LPP: variants seen among roughly 807,000 people sequenced by gnomAD.
The protein encoded by LPP is lipoma-preferred partner.
In LPP, 38 loss-of-function variants were observed where a neutral mutation model predicts 60.4. That is an observed-to-expected ratio of 0.63 (90% confidence interval 0.49 to 0.83). LPP has a LOEUF of 0.83. Ranked by LOEUF, LPP falls within the 40% of genes least tolerant of loss-of-function variation. The pLI is 0.00. For missense variants in LPP, 902 were observed against 783.6 expected (o/e 1.15, Z -1.80); for synonymous variants, 328 against 290.8 (o/e 1.13, Z -1.30).
chr3:188,184,633 T>A (rs9990226), intron 1 of LPP, among the ~76,000 whole-genome samples: 33,564 of 151,140 alleles, frequency 0.22, 4,764 homozygotes, highest in East Asian at 0.64. Flanking sequence ...AATAAGGAAT[T>A]GAAGAGTGAG....
intron 4 of LPP, among the ~76,000 whole-genome samples, chr3:188,419,641 C>A (rs547510141): frequency 6.6e-6 from 1 of 152,176 alleles, no homozygotes; most frequent in Non-Finnish European, 1.5e-5. Flanking sequence ...GCCTGTAATC[C>A]CAGCACTTTG....
rs756633064 is a variant in LPP, at chr3:188,609,612, G to C, written c.881G>C (p.Gly294Ala). The C allele has an allele frequency of 6.2e-7, 1 of 1,614,178 alleles. No individual in the cohort carries two copies. The highest frequency in any genetic ancestry group is 1.7e-4 in the Middle Eastern group (1 of 6,060). Residue 294 changes from glycine (G) to alanine (A), a missense_variant, in exon 7 of 12, where the codon GGA becomes GCA. By Grantham distance (60) the Gly-to-Ala change is moderately conservative. Transcript: ENST00000617246. This position sits in a 1 kb window ranked among gnomAD's most constrained non-coding sequence, Gnocchi z 6.9. ...GGGTATGGGTATGCCCCCAACCAGG[G>C]ACGCTATTATGAAGGCTACTATGCA... ...EPGYGYAPNQ[G>A]RYYEGYYAAG...
rs1011009906 is a variant in LPP, at chr3:188,559,670, C to A, written c.429+34883C>A. Among the ~76,000 whole-genome samples, 4 of 152,098 alleles carry A rather than the reference C, an allele frequency of 2.6e-5. No individual in the cohort carries two copies. The South Asian group carries it at 6.2e-4, about 24-fold the overall frequency. On this transcript the variant is annotated intron_variant, in intron 6 of 11. Coordinates refer to ENST00000617246, the MANE Select transcript of LPP (RefSeq NM_001375462.1). Reference sequence around the variant, plus strand: ...TCTGTCCGAGTCATTCAACACCTCACCCCCTCCAGTTATATTTATATTTAT... The same window carrying A: ...TCTGTCCGAGTCATTCAACACCTCAACCCCTCCAGTTATATTTATATTTAT...
chr3:188,396,604 G>C (rs1363151542), intron 3 of LPP, among the ~76,000 whole-genome samples: 1 of 152,152 alleles, frequency 6.6e-6, no homozygotes, highest in Non-Finnish European at 1.5e-5. Context: ...AGATCATATT[G>C]GTGATTTTTC....
intron 3 of LPP, among the ~76,000 whole-genome samples, chr3:188,376,794 C>G (rs1775246167): frequency 6.6e-6 from 1 of 152,178 alleles, no homozygotes; most frequent in South Asian, 2.1e-4. Context: ...CAGTTTCTTC[C>G]TAGCCTTGAT....
rs561137896 is a variant in LPP at position 188,631,760 on chromosome 3, C to T, written c.1113+21916C>T. On this transcript the variant is annotated intron_variant, in intron 7 of 11. Transcript: ENST00000617246. The stretch of plus-strand genomic sequence containing the variant: ...GCTAGGACAGTAATGGGCCCAGGCA[C>T]ATTGAAGCATTCCAGGAACTCATTC... Among the ~76,000 whole-genome samples, 102 of 152,250 alleles carry T rather than the reference C, an allele frequency of 6.7e-4. No individual in the cohort carries two copies. In the Middle Eastern group the frequency reaches 0.014, roughly 20 times the overall value.
At chr3:188,231,102 T>G (rs1719787492) in intron 2 of LPP, among the ~76,000 whole-genome samples, 1 of 152,168 alleles carries the variant, frequency 6.6e-6, no homozygotes. Flanking sequence ...GAGAGGCAAA[T>G]CACAGTCTTT....
chr3:188,883,346 T>C lies in LPP; in HGVS notation c.*8867T>C. ...TTCCTATTTAGAAGACAGACCGTTC[T>C]GACAGTTGTTGTGTAGCTTCATGCC... is the stretch of plus-strand genomic sequence containing the variant. On this transcript the variant is annotated 3_prime_UTR_variant, in exon 12 of 12. Transcript: ENST00000617246. The C allele has an allele frequency of 4.6e-6, 1 of 215,086 alleles. No individual in the cohort carries two copies. Among genetic ancestry groups the C allele is most frequent in the Non-Finnish European group, 9.4e-6 (1 of 106,490 alleles). The allele number at this position is 215,086 out of a possible 1,614,324, so 13.3% of individuals were successfully genotyped here.
At chr3:188,478,127 C>A (rs1199462315) in intron 4 of LPP, among the ~76,000 whole-genome samples, 3 of 152,088 alleles carry the variant, frequency 2.0e-5, no homozygotes, top group Non-Finnish European at 4.4e-5. Context: ...TTGTTTTATC[C>A]TCTCACTTTT....
chr3:188,781,882 A>G (rs1577510161), intron 9 of LPP, among the ~76,000 whole-genome samples: 1 of 132,818 alleles, frequency 7.5e-6, no homozygotes. Flanking sequence ...ACAGAGCAAG[A>G]CTCCGTCTCA....
At chr3:188,653,774 T>C (rs1036504206) in intron 7 of LPP, among the ~76,000 whole-genome samples, 7 of 152,204 alleles carry the variant, frequency 4.6e-5, no homozygotes, top group African/African-American at 1.7e-4. Flanking sequence ...TTTGATCTTT[T>C]TATCTCTTTG....
At chr3:188,519,115 G>C (rs1424356625) in intron 5 of LPP, among the ~76,000 whole-genome samples, 1 of 152,158 alleles carries the variant, frequency 6.6e-6, no homozygotes, top group Non-Finnish European at 1.5e-5. Flanking sequence ...AATACTCACA[G>C]TGCCCCAAAA....
At chr3:188,170,373 C>G (rs1721240123) in intron 1 of LPP, among the ~76,000 whole-genome samples, 1 of 144,184 alleles carries the variant, frequency 6.9e-6, no homozygotes, top group South Asian at 2.2e-4. Context: ...CTCTATTGCC[C>G]AGGCTGGAGT....
rs187426331 is a variant in LPP at position 188,299,543 on chromosome 3, T to A, written c.-66-42120T>A. 5.9e-3 allele frequency among the ~76,000 whole-genome samples: 891 copies of A among 152,274 alleles called. 12 individuals are homozygous for A. Among genetic ancestry groups the A allele is most frequent in the African/African-American group, 0.02 (845 of 41,538 alleles). ...CCCTTAATAGGTTGGACAAGTCCCG[T>A]TAGGATAATTGGCTGTATGAATATG... On this transcript the variant is annotated intron_variant, in intron 2 of 11. Transcript: ENST00000617246.
intron 4 of LPP, among the ~76,000 whole-genome samples, chr3:188,422,109 C>T (rs1292251628): frequency 6.6e-6 from 1 of 152,146 alleles, no homozygotes; most frequent in Admixed American, 6.6e-5. Flanking sequence ...GACCAATGCA[C>T]GTACCTTTCT....
chr3:188,181,139 G>A (rs1352302745), intron 1 of LPP, among the ~76,000 whole-genome samples: 1 of 152,052 alleles, frequency 6.6e-6, no homozygotes, highest in African/African-American at 2.4e-5. Flanking sequence ...CGGATCACGA[G>A]GTCAGGGATT....
At chr3:188,175,696 A>G (rs1047791025) in intron 1 of LPP, among the ~76,000 whole-genome samples, 1 of 152,182 alleles carries the variant, frequency 6.6e-6, no homozygotes, top group Non-Finnish European at 1.5e-5. Flanking sequence ...CTAAAAAGAG[A>G]TCACTGGGCT....
rs1769421138 is a variant in LPP, at chr3:188,877,755, TA to T, written c.*3279del. 4.9e-6 allele frequency: 1 copy of T among 204,166 alleles called. No individual in the cohort carries two copies. Among genetic ancestry groups the T allele is most frequent in the African/African-American group, 2.3e-5 (1 of 43,702 alleles). The allele number at this position is 204,166 out of a possible 1,614,324, so 12.6% of individuals were successfully genotyped here. ...GCGCTTGTTTAAAAAAACAAATAAA[TA>T]AATAATCGACTCAAAAATAAGTCAT... is the stretch of plus-strand genomic sequence containing the variant. On this transcript the variant is annotated 3_prime_UTR_variant, in exon 12 of 12. Coordinates refer to ENST00000617246, the MANE Select transcript of LPP (RefSeq NM_001375462.1).
chr3:188,420,944 G>A (rs140254119), intron 4 of LPP, among the ~76,000 whole-genome samples: 2 of 152,146 alleles, frequency 1.3e-5, no homozygotes, highest in Non-Finnish European at 2.9e-5. Context: ...TGCACATGTT[G>A]CCTGAGCTGT....
Sources: gnomAD v4.1 joint callset for allele counts (sites outside exome capture counted in the v4.1 genomes callset) on GRCh38, gnomAD v4.1.1 for gene constraint, Gnocchi (gnomAD v3.1) non-coding constraint, MANE v1.5 for transcripts, NCBI Gene and HGNC (gene_info 2026-07-23, HGNC 2026-07-21) for gene names.